TLR4: variants seen among roughly 807,000 people sequenced by gnomAD.
TLR4 encodes the protein toll-like receptor 4.
Under a neutral mutation model 27.4 loss-of-function variants are expected in TLR4, and 17 were observed. The ratio of observed to expected loss-of-function variants is 0.62; its 90% CI spans 0.42 to 0.93. TLR4 has a LOEUF of 0.93. Among genes scored for constraint, TLR4 ranks in the 40% least tolerant of loss-of-function variants. The probability of loss-of-function intolerance (pLI) is 0.00; values close to 1 mark genes in which losing one functional copy is unlikely to be tolerated. For synonymous variants in TLR4, 363 were observed against 365.7 expected (o/e 0.99, Z 0.08); for missense variants, 926 against 962.3 (o/e 0.96, Z 0.50).
Position 117,712,665 on chromosome 9 carries a change from C to T in TLR4, c.537C>T (p.His179=), listed in dbSNP as rs202131065. ...EYFSNLTNLE[H]LDLSSNKIQS... Reference sequence around the variant, plus strand: ...TTTCTAATCTGACCAATCTAGAGCACTTGGACCTTTCCAGCAACAAGATTC... The same window carrying T: ...TTTCTAATCTGACCAATCTAGAGCATTTGGACCTTTCCAGCAACAAGATTC... The change falls in exon 3 of 3, where the codon CAC becomes CAT. Residue 179 remains histidine (H), a synonymous_variant. Transcript: ENST00000355622. 6.9e-5 allele frequency: 112 copies of T among 1,613,520 alleles called. No individual in the cohort carries two copies. Among genetic ancestry groups the T allele is most frequent in the Non-Finnish European group, 9.0e-5 (106 of 1,180,008 alleles).
In TLR4 at chr9:117,708,748, C is replaced by T; in HGVS notation, c.260+19C>T. 6.2e-7 allele frequency: 1 copy of T among 1,613,306 alleles called. No homozygotes were observed. Among genetic ancestry groups the T allele is most frequent in the East Asian group, 2.2e-5 (1 of 44,858 alleles). ...TATCCAGGTAATGAATCCACTTTTA[C>T]ATACTGCACAAGGTGAGGTGTTCAT... On this transcript the variant is annotated intron_variant, in intron 2 of 2. Transcript: ENST00000355622.
At chr9:117,712,311 A>G (rs528979093) in intron 2 of TLR4, 78 bp from the exon 3 acceptor site, 5 of 1,375,960 alleles carry the variant, frequency 3.6e-6, no homozygotes, top group Non-Finnish European at 5.1e-6. Context: ...GAAGAGCTGG[A>G]TGACTAGGAT....
At chr9:117,708,254 C>T (rs1399154065) in intron 1 of TLR4, 30 of 1,137,006 alleles carry the variant, frequency 2.6e-5, no homozygotes, top group Admixed American at 8.5e-5. Context: ...TTTCAGACTC[C>T]GGAGCCTCAG....
At position 117,712,675 on chromosome 9, in the gene TLR4, T is replaced by A. The variant is rs1829254527; in HGVS notation, c.547T>A (p.Ser183Thr). Residue 183 changes from serine to threonine, a missense_variant, in exon 3 of 3, where the codon TCC (serine) becomes ACC (threonine). By Grantham distance (58) the Ser-to-Thr change is moderately conservative. Coordinates refer to ENST00000355622, the MANE Select transcript of TLR4 (RefSeq NM_138554.5). ...NLTNLEHLDL[S>T]SNKIQSIYCT... ...GACCAATCTAGAGCACTTGGACCTT[T>A]CCAGCAACAAGATTCAAAGTATTTA... 4 of 1,614,104 alleles carry A rather than the reference T, an allele frequency of 2.5e-6. No individual in the cohort carries two copies. In the East Asian group the frequency reaches 8.9e-5, roughly 36 times the overall value.
intron 1 of TLR4, chr9:117,708,333 C>T: frequency 7.5e-7 from 1 of 1,335,202 alleles, no homozygotes; most frequent in South Asian, 1.6e-5. Flanking sequence ...GAATGCTGAG[C>T]ACGTAGTAGG....
chr9:117,708,146 G>T (rs1829167148), intron 1 of TLR4: 1 of 984,862 alleles, frequency 1.0e-6, no homozygotes, highest in Non-Finnish European at 1.2e-6. Context: ...ATGATAAAAT[G>T]AGGCTCACTG....
rs1829434670 is a variant in TLR4 at position 117,722,555 on chromosome 9, A to T, written c.*7907A>T. The T allele has an allele frequency of 6.6e-6, 1 of 152,282 alleles. No individual in the cohort carries two copies. The highest frequency in any genetic ancestry group is 3.4e-3 in the Middle Eastern group (1 of 294). 9.4% of individuals were successfully genotyped at this position (152,282 alleles called of 1,614,324 possible). ...GCCTTCTGAGTCCTCTCTACACATCATCTTTGGCTGAATTAGCTGTGGTTT... is the reference window on the plus strand; with the variant it reads ...GCCTTCTGAGTCCTCTCTACACATCTTCTTTGGCTGAATTAGCTGTGGTTT... On this transcript the variant is annotated 3_prime_UTR_variant, in exon 3 of 3. Coordinates refer to ENST00000355622, the MANE Select transcript of TLR4 (RefSeq NM_138554.5).
rs1829325794 is a variant in TLR4 at position 117,715,330 on chromosome 9, A to C, written c.*682A>C. The C allele has an allele frequency of 6.6e-6, 1 of 152,332 alleles. No homozygotes were observed. Among genetic ancestry groups the C allele is most frequent in the Non-Finnish European group, 1.5e-5 (1 of 68,176 alleles). 9.4% of individuals were successfully genotyped at this position (152,332 alleles called of 1,614,324 possible). A position where few individuals can be genotyped will look rare whatever the true frequency, so the allele number is the denominator to read the frequency against. On this transcript the variant is annotated 3_prime_UTR_variant, in exon 3 of 3. Coordinates refer to ENST00000355622, the MANE Select transcript of TLR4 (RefSeq NM_138554.5). ...GTCTTGCCTATAAGCTAATATCATAAATAAGGTTGTTTAAGACGTGCTTCA... is the reference window on the plus strand; with the variant it reads ...GTCTTGCCTATAAGCTAATATCATACATAAGGTTGTTTAAGACGTGCTTCA...
chr9:117,715,058 C>G lies in TLR4; in HGVS notation c.*410C>G, dbSNP rs1386114866. The G allele has an allele frequency of 4.8e-6, 1 of 208,032 alleles. No homozygotes were observed. The highest frequency in any genetic ancestry group is 1.1e-4 in the East Asian group (1 of 8,810). 12.9% of individuals were successfully genotyped at this position (208,032 alleles called of 1,614,324 possible). On this transcript the variant is annotated 3_prime_UTR_variant, in exon 3 of 3. Coordinates refer to ENST00000355622, the MANE Select transcript of TLR4 (RefSeq NM_138554.5). ...GACTGAACTGGGTGTTCACTTTTTC[C>G]TTTTTGATTGAATACAATTTAAATT...
Position 117,720,072 on chromosome 9 carries a change from AC to A in TLR4, c.*5426del, listed in dbSNP as rs891424740. The A allele has an allele frequency of 5.3e-5, 8 of 152,124 alleles. No homozygotes were observed. Among genetic ancestry groups the A allele is most frequent in the African/African-American group, 1.9e-4 (8 of 41,502 alleles). 9.4% of individuals were successfully genotyped at this position (152,124 alleles called of 1,614,324 possible). On this transcript the variant is annotated 3_prime_UTR_variant, in exon 3 of 3. Transcript: ENST00000355622. Reference sequence around the variant, plus strand: ...GCTAAGCTTTTGGTGCATGTCTGGCACCGTTTTAGTTGTATATTATTTCATT... The same window carrying A: ...GCTAAGCTTTTGGTGCATGTCTGGCACGTTTTAGTTGTATATTATTTCATT...
chr9:117,709,163 G>A (rs1829188067), intron 2 of TLR4, among the ~76,000 whole-genome samples: 1 of 152,198 alleles, frequency 6.6e-6, no homozygotes, highest in South Asian at 2.1e-4. Flanking sequence ...ATGGTCCTGG[G>A]TACATAGTAT....
chr9:117,712,674 T>C lies in TLR4; in HGVS notation c.546T>C (p.Leu182=). The C allele has an allele frequency of 1.2e-6, 2 of 1,614,114 alleles. No homozygotes were observed. Among genetic ancestry groups the C allele is most frequent in the Non-Finnish European group, 1.7e-6 (2 of 1,180,016 alleles). Reference sequence around the variant, plus strand: ...TGACCAATCTAGAGCACTTGGACCTTTCCAGCAACAAGATTCAAAGTATTT... The same window carrying C: ...TGACCAATCTAGAGCACTTGGACCTCTCCAGCAACAAGATTCAAAGTATTT... The part of the protein sequence containing the change: ...SNLTNLEHLD[L]SSNKIQSIYC... Residue 182 remains leucine (L), a synonymous_variant, in exon 3 of 3, where the codon CTT becomes CTC. Transcript: ENST00000355622.
Position 117,713,088 on chromosome 9 carries a change from T to G in TLR4, c.960T>G (p.Ile320Met). The G allele has an allele frequency of 6.2e-7, 1 of 1,613,650 alleles. No individual in the cohort carries two copies. Among genetic ancestry groups the G allele is most frequent in the Non-Finnish European group, 8.5e-7 (1 of 1,179,718 alleles). ...CATTTTCCCTGGTGAGTGTGACTATTGAAAGGGTAAAAGACTTTTCTTATA... is the reference window on the plus strand; with the variant it reads ...CATTTTCCCTGGTGAGTGTGACTATGGAAAGGGTAAAAGACTTTTCTTATA... ...VSSFSLVSVT[I>M]ERVKDFSYNF... The change falls in exon 3 of 3, where the codon ATT (isoleucine) becomes ATG (methionine). Residue 320 changes from isoleucine (I) to methionine (M), a missense_variant. Coordinates refer to ENST00000355622, the MANE Select transcript of TLR4 (RefSeq NM_138554.5).
chr9:117,714,371 T>C lies in TLR4; in HGVS notation c.2243T>C (p.Ile748Thr). ...SQHFIQSRWCIFEYEIAQTWQ... is the reference protein window; with the variant it reads ...SQHFIQSRWCTFEYEIAQTWQ... The stretch of plus-strand genomic sequence containing the variant: ...CACTTCATCCAGAGCCGCTGGTGTA[T>C]CTTTGAATATGAGATTGCTCAGACC... Residue 748 changes from isoleucine (I) to threonine (T), a missense_variant, in exon 3 of 3, where the codon ATC (isoleucine) becomes ACC (threonine). Ile to Thr is a moderately conservative substitution (Grantham distance 89). Transcript: ENST00000355622. 1.2e-6 allele frequency: 2 copies of C among 1,603,830 alleles called. No individual in the cohort carries two copies. Among genetic ancestry groups the C allele is most frequent in the East Asian group, 2.2e-5 (1 of 44,514 alleles).
chr9:117,717,196 CTA>C lies in TLR4; in HGVS notation c.*2550_*2551del, dbSNP rs2131177428. 1 of 152,212 alleles carries C rather than the reference CTA, an allele frequency of 6.6e-6. No homozygotes were observed. The highest frequency in any genetic ancestry group is 2.1e-4 in the South Asian group (1 of 4,826). The allele number at this position is 152,212 out of a possible 1,614,324, so 9.4% of individuals were successfully genotyped here. A position where few individuals can be genotyped will look rare whatever the true frequency, so the allele number is the denominator to read the frequency against. ...GAATACATCCATTTGAAATGGATGT[CTA>C]TGGCTGTTTGAGATGAGTTCTCTAC... On this transcript the variant is annotated 3_prime_UTR_variant, in exon 3 of 3. Transcript: ENST00000355622.
rs979402471 is a variant in TLR4, at chr9:117,712,924, G to T, written c.796G>T (p.Glu266Ter). 6.2e-7 allele frequency: 1 copy of T among 1,613,990 alleles called. No individual in the cohort carries two copies. Among genetic ancestry groups the T allele is most frequent in the Non-Finnish European group, 8.5e-7 (1 of 1,180,010 alleles). ...HRLVLGEFRN[E>*]GNLEKFDKSA... ...TTTGGTTCTGGGAGAATTTAGAAAT[G>T]AAGGAAACTTGGAAAAGTTTGACAA... is the stretch of plus-strand genomic sequence containing the variant. Residue 266 changes from glutamate (E) to a stop codon, truncating the protein, a stop_gained, in exon 3 of 3, where the codon GAA (glutamate) becomes TAA (stop). Transcript: ENST00000355622. LOFTEE classifies it low-confidence loss of function (END_TRUNC).
intron 1 of TLR4, among the ~76,000 whole-genome samples, chr9:117,706,213 C>T (rs1829133064): frequency 6.6e-6 from 1 of 152,106 alleles, no homozygotes; most frequent in Admixed American, 6.6e-5. Flanking sequence ...AGCCCAAGTC[C>T]TTTTCATGCT....
chr9:117,708,060 T>C (rs1283802314), intron 1 of TLR4: 1 of 369,322 alleles, frequency 2.7e-6, no homozygotes, highest in South Asian at 9.5e-5. Flanking sequence ...TCATCTTCTC[T>C]GTATCCTTCC....
chr9:117,714,066 TGTAGCAG>T lies in TLR4; in HGVS notation c.1939_1945del (p.Val647PhefsTer10). 1 of 1,614,030 alleles carries T rather than the reference TGTAGCAG, an allele frequency of 6.2e-7. No individual in the cohort carries two copies. Among genetic ancestry groups the T allele is most frequent in the Non-Finnish European group, 8.5e-7 (1 of 1,180,000 alleles). On this transcript the variant is annotated frameshift_variant, in exon 3 of 3. Transcript: ENST00000355622. LOFTEE classifies it high-confidence loss of function. Reference sequence around the variant, plus strand: ...TCCTCAGTGTGCTTGTAGTATCTGTTGTAGCAGTTCTGGTCTATAAGTTCTATTTTCA... The same window carrying T: ...TCCTCAGTGTGCTTGTAGTATCTGTTTTCTGGTCTATAAGTTCTATTTTCA...
Sources: gnomAD v4.1 joint callset for allele counts (sites outside exome capture counted in the v4.1 genomes callset) on GRCh38, gnomAD v4.1.1 for gene constraint, MANE v1.5 for transcripts, NCBI Gene and HGNC (gene_info 2026-07-23, HGNC 2026-07-21) for gene names.